SH3RF3: variants seen among roughly 807,000 people sequenced by gnomAD.
SH3RF3 encodes the protein E3 ubiquitin-protein ligase SH3RF3.
Under a neutral mutation model 66.3 loss-of-function variants are expected in SH3RF3, and 29 were observed. The observed-to-expected ratio is 0.44, with a 90% CI of 0.33 to 0.60. The LOEUF is 0.60. Among genes scored for constraint, SH3RF3 ranks in the 20% least tolerant of loss-of-function variants. SH3RF3 has a pLI of 0.04. For synonymous variants in SH3RF3, 583 were observed against 532.0 expected, an observed-to-expected ratio of 1.10 and a Z score of -1.32; for missense variants, 1,194 against 1,190.9, an observed-to-expected ratio of 1.00 and a Z score of -0.04.
chr2:109,454,267 A>G lies in SH3RF3; in HGVS notation c.2148+4778A>G, dbSNP rs562044484. On this transcript the variant is annotated intron_variant, in intron 8 of 9. Transcript: ENST00000309415. ...GCTGGTATTTATAATTACTTTGTCTACTATCCAATCTGTATTCCCCTTCCC... is the reference window on the plus strand; with the variant it reads ...GCTGGTATTTATAATTACTTTGTCTGCTATCCAATCTGTATTCCCCTTCCC... Among the ~76,000 whole-genome samples, 229 of 152,318 alleles carry G rather than the reference A, an allele frequency of 1.5e-3. 1 individual carries two copies. The highest frequency in any genetic ancestry group is 2.7e-3 in the Non-Finnish European group (183 of 68,026).
chr2:109,234,698 G>T (rs1679602301), intron 1 of SH3RF3, among the ~76,000 whole-genome samples: 1 of 152,244 alleles, frequency 6.6e-6, no homozygotes, highest in African/African-American at 2.4e-5. Context: ...TGAGAAGAGA[G>T]TGAGGCTGAT....
intron 1 of SH3RF3, among the ~76,000 whole-genome samples, chr2:109,150,435 T>C (rs1362521957): frequency 1.3e-5 from 2 of 152,214 alleles, no homozygotes; most frequent in Middle Eastern, 3.2e-3. Context: ...ACTACTCTGC[T>C]CATTATTTCA....
intron 1 of SH3RF3, among the ~76,000 whole-genome samples, chr2:109,169,637 G>T (rs868377220): frequency 2.6e-5 from 4 of 151,848 alleles, no homozygotes; most frequent in Middle Eastern, 3.2e-3. Context: ...AGTTTAATAG[G>T]GTTGGGCAAT....
chr2:109,199,597 TGGAA>T, intron 1 of SH3RF3, among the ~76,000 whole-genome samples: 2 of 274 alleles, frequency 7.3e-3, no homozygotes, highest in African/African-American at 0.028. Flanking sequence ...TGGAATGGAA[TGGAA>T]TGGAATGGAA....
rs1681981415 is a variant in SH3RF3, at chr2:109,319,896, C to T, written c.574-27778C>T. ...GCCCTGCATTTGGGACCTAGAAATC[C>T]CCCGGTGGTTACATCTGGGGTCCCT... On this transcript the variant is annotated intron_variant, in intron 1 of 9. Coordinates refer to ENST00000309415, the MANE Select transcript of SH3RF3 (RefSeq NM_001099289.3). 2.6e-5 allele frequency among the ~76,000 whole-genome samples: 4 copies of T among 152,324 alleles called. 1 individual carries two copies. The highest frequency in any genetic ancestry group is 3.4e-3 in the Middle Eastern group (1 of 294).
At chr2:109,216,074 G>C (rs1574509260) in intron 1 of SH3RF3, among the ~76,000 whole-genome samples, 1 of 152,296 alleles carries the variant, frequency 6.6e-6, no homozygotes, top group East Asian at 1.9e-4. Context: ...CAGTCAGTCT[G>C]AAGAACGGAG....
At chr2:109,296,531 T>C (rs1472772492) in intron 1 of SH3RF3, among the ~76,000 whole-genome samples, 1 of 152,170 alleles carries the variant, frequency 6.6e-6, no homozygotes, top group Non-Finnish European at 1.5e-5. Context: ...TGTGAGCCTC[T>C]GTGCCCAGCC....
intron 2 of SH3RF3, among the ~76,000 whole-genome samples, chr2:109,362,082 A>G (rs13406718): frequency 0.039 from 5,917 of 151,226 alleles, 320 homozygotes; most frequent in African/African-American, 0.13. Flanking sequence ...GATTTCTTCT[A>G]TTTCTTTTAT....
intron 1 of SH3RF3, among the ~76,000 whole-genome samples, chr2:109,277,300 G>C (rs910023148): frequency 1.1e-4 from 17 of 152,176 alleles, no homozygotes; most frequent in Admixed American, 1.1e-3. Flanking sequence ...GGATCACTGA[G>C]GTTTGCAGAT....
chr2:109,418,119 C>T lies in SH3RF3; in HGVS notation c.1300-1420C>T, dbSNP rs1385410496. On this transcript the variant is annotated intron_variant, in intron 4 of 9. Transcript: ENST00000309415. ...CAGGCAGCCTCTGCACCCCACCAAA[C>T]CTGCCTTTGGCCGAGGTACCTGCAG... is the stretch of plus-strand genomic sequence containing the variant. Among the ~76,000 whole-genome samples the T allele has an allele frequency of 2.0e-5, 3 of 152,146 alleles. No homozygotes were observed. In the East Asian group the frequency reaches 5.8e-4, roughly 29 times the overall value.
chr2:109,414,086 T>A (rs1275132622), intron 4 of SH3RF3, among the ~76,000 whole-genome samples: 1 of 152,150 alleles, frequency 6.6e-6, no homozygotes, highest in African/African-American at 2.4e-5. Flanking sequence ...TCCTTCTGTT[T>A]ATTGGGCTGC....
intron 1 of SH3RF3, among the ~76,000 whole-genome samples, chr2:109,315,361 T>G (rs1448929271): frequency 1.3e-5 from 2 of 152,236 alleles, no homozygotes; most frequent in Non-Finnish European, 2.9e-5. Context: ...CTTTGTTCAT[T>G]GAGTCTTGCA....
chr2:109,180,094 A>T (rs7340349), intron 1 of SH3RF3, among the ~76,000 whole-genome samples: 3 of 151,844 alleles, frequency 2.0e-5, no homozygotes, highest in African/African-American at 7.3e-5. Flanking sequence ...ATGGGCCTCC[A>T]TGGGGTTAGG....
At chr2:109,234,419 C>T (rs940504725) in intron 1 of SH3RF3, among the ~76,000 whole-genome samples, 22 of 152,182 alleles carry the variant, frequency 1.4e-4, no homozygotes, top group African/African-American at 5.3e-4. Flanking sequence ...ATTTTTTTGA[C>T]CACGAATGTC....
Position 109,297,996 on chromosome 2 carries a change from G to A in SH3RF3, c.574-49678G>A, listed in dbSNP as rs186655439. On this transcript the variant is annotated intron_variant, in intron 1 of 9. Transcript: ENST00000309415. ...GTGCCCCAGGCAGCCTTGGGTTTGC[G>A]CCTCAGCTGGTGACAGCTGAGGCTG... 7.3e-3 allele frequency among the ~76,000 whole-genome samples: 1,106 copies of A among 152,260 alleles called. 16 individuals carry two copies. The highest frequency in any genetic ancestry group is 0.025 in the African/African-American group (1,047 of 41,544).
chr2:109,391,263 A>T (rs1446304040), intron 3 of SH3RF3, among the ~76,000 whole-genome samples: 1 of 152,232 alleles, frequency 6.6e-6, no homozygotes, highest in African/African-American at 2.4e-5. Context: ...TCAGCTTGCC[A>T]GCCCATTGGG....
chr2:109,409,309 C>T (rs1466651479), intron 4 of SH3RF3, among the ~76,000 whole-genome samples: 6 of 152,206 alleles, frequency 3.9e-5, no homozygotes, highest in African/African-American at 1.4e-4. Flanking sequence ...CTAAAGGAAG[C>T]AGCCAGATAG....
At chr2:109,398,540 G>A in intron 3 of SH3RF3, 50 bp from the exon 4 acceptor site, 1 of 1,460,696 alleles carries the variant, frequency 6.8e-7, no homozygotes, top group South Asian at 1.3e-5. Flanking sequence ...GGCTGGTGTG[G>A]CATGTGACCA....
At chr2:109,173,465 C>T (rs1677837173) in intron 1 of SH3RF3, among the ~76,000 whole-genome samples, 1 of 152,206 alleles carries the variant, frequency 6.6e-6, no homozygotes, top group African/African-American at 2.4e-5. Context: ...CCAGTTGACT[C>T]TGCCTTACCC....
Sources: gnomAD v4.1 joint callset for allele counts (sites outside exome capture counted in the v4.1 genomes callset) on GRCh38, gnomAD v4.1.1 for gene constraint, MANE v1.5 for transcripts, NCBI Gene and HGNC (gene_info 2026-07-23, HGNC 2026-07-21) for gene names.